The following DCHS2 variants were observed in gnomAD, a reference collection of about 807,000 sequenced individuals.
The protein encoded by DCHS2 is protocadherin-23.
In DCHS2, 142 loss-of-function variants were observed where a neutral mutation model predicts 182.4. The observed-to-expected ratio is 0.78, with a 90% confidence interval of 0.68 to 0.89. The LOEUF is 0.89. Ranked by LOEUF, DCHS2 falls within the 40% of genes least tolerant of loss-of-function variation. The probability of loss-of-function intolerance (pLI) is 0.00; values close to 1 mark genes in which losing one functional copy is unlikely to be tolerated. For synonymous variants in DCHS2, 1,740 were observed against 1,663.3 expected (o/e 1.05, Z -1.12); for missense variants, 4,319 against 4,198.6 (o/e 1.03, Z -0.79).
At chr4:154,416,903 T>C (rs1732854439) in intron 1 of DCHS2, among the ~76,000 whole-genome samples, 1 of 152,062 alleles carries the variant, frequency 6.6e-6, no homozygotes, top group African/African-American at 2.4e-5. Context: ...GTTTTTACAC[T>C]CCGAGGCCAA....
intron 10 of DCHS2, among the ~76,000 whole-genome samples, chr4:154,315,216 A>AT (rs1182291869): frequency 6.6e-6 from 1 of 152,188 alleles, no homozygotes; most frequent in Non-Finnish European, 1.5e-5. Context: ...ATAACAAACT[A>AT]TAATTTAGGC....
chr4:154,490,748 C>T lies in DCHS2; in HGVS notation c.608G>A (p.Gly203Asp). The T allele has an allele frequency of 2.6e-6, 4 of 1,551,642 alleles. No individual in the cohort carries two copies. The highest frequency in any genetic ancestry group is 3.5e-6 in the Non-Finnish European group (4 of 1,146,930). Residue 203 changes from glycine (G) to aspartate (D), a missense_variant, in exon 1 of 20, where the codon GGC (glycine) becomes GAC (aspartate). Gly to Asp is a moderately conservative substitution (Grantham distance 94, BLOSUM62 -1). Transcript: ENST00000357232. ...DPDAGLFSTQGYTLVQPSDLP... is the reference protein window; with the variant it reads ...DPDAGLFSTQDYTLVQPSDLP... The stretch of plus-strand genomic sequence containing the variant: ...GTCGGACGGTTGCACCAGGGTGTAG[C>T]CCTGAGTGCTGAACAGTCCGGCGTC...
At chr4:154,432,314 C>T (rs959974546) in intron 1 of DCHS2, among the ~76,000 whole-genome samples, 49 of 152,276 alleles carry the variant, frequency 3.2e-4, no homozygotes, top group Admixed American at 2.7e-3. Flanking sequence ...AGCTTATCTA[C>T]AACTATGATT....
chr4:154,459,732 C>T (rs1734927256), intron 1 of DCHS2, among the ~76,000 whole-genome samples: 1 of 139,834 alleles, frequency 7.2e-6, no homozygotes, highest in South Asian at 2.3e-4. Context: ...AGTATCTACA[C>T]ATTCTCTCTC....
intron 1 of DCHS2, among the ~76,000 whole-genome samples, chr4:154,419,706 A>G (rs1306852287): frequency 2.0e-5 from 3 of 149,724 alleles, no homozygotes; most frequent in Non-Finnish European, 4.4e-5. Context: ...TGTGCAGGAC[A>G]CTAAAGGAAT....
chr4:154,490,508 T>A lies in DCHS2; in HGVS notation c.848A>T (p.Glu283Val), dbSNP rs1579134320. The change falls in exon 1 of 20, where the codon GAG becomes GTG. Residue 283 changes from glutamate (E) to valine (V), a missense_variant. Glu to Val is a moderately radical substitution (Grantham distance 121). Transcript: ENST00000357232. ...RPRRTGLLSV[E>V]LRVLDENDNP... Reference sequence around the variant, plus strand: ...GTCGTTCTCATCCAGCACGCGCAGCTCCACGCTCAGGAGGCCGGTGCGCCG... The same window carrying A: ...GTCGTTCTCATCCAGCACGCGCAGCACCACGCTCAGGAGGCCGGTGCGCCG... 6.5e-7 allele frequency: 1 copy of A among 1,537,226 alleles called. No individual in the cohort carries two copies. Among genetic ancestry groups the A allele is most frequent in the Admixed American group, 2.0e-5 (1 of 50,942 alleles).
intron 5 of DCHS2, among the ~76,000 whole-genome samples, chr4:154,331,128 C>T (rs1736503122): frequency 6.6e-6 from 1 of 152,166 alleles, no homozygotes; most frequent in Non-Finnish European, 1.5e-5. Context: ...CCTTGCCATG[C>T]TGTCCTTGGG....
At chr4:154,259,496 ACACC>A (rs754394927) in intron 15 of DCHS2, 45 bp downstream of exon 15, 39 of 1,583,538 alleles carry the variant, frequency 2.5e-5, no homozygotes, top group Admixed American at 1.7e-4. Flanking sequence ...TCACACAGAC[ACACC>A]CACACACACA....
At chr4:154,465,386 T>C (rs1735196634) in intron 1 of DCHS2, among the ~76,000 whole-genome samples, 1 of 152,092 alleles carries the variant, frequency 6.6e-6, no homozygotes, top group South Asian at 2.1e-4. Flanking sequence ...AGTGACATAC[T>C]GGCCAAGTGC....
Position 154,236,929 on chromosome 4 carries a change from C to T in DCHS2, c.7723G>A (p.Asp2575Asn), listed in dbSNP as rs144280671. The T allele has an allele frequency of 3.2e-5, 52 of 1,613,966 alleles. No individual in the cohort carries two copies. The Middle Eastern group carries it at 6.6e-4, about 20-fold the overall frequency. Residue 2575 changes from aspartate (D) to asparagine (N), a missense_variant, in exon 20 of 20, where the codon GAC (aspartate) becomes AAC (asparagine). Transcript: ENST00000357232. ...GTGTTTTCACGGGTCCAGTCATGGTCGATGTTTGAAAATGTAACAAGCGTG... is the reference window on the plus strand; with the variant it reads ...GTGTTTTCACGGGTCCAGTCATGGTTGATGTTTGAAAATGTAACAAGCGTG... The part of the protein sequence containing the change: ...GSTLVTFSNI[D>N]HDWTRENTYV...
chr4:154,379,730 T>C lies in DCHS2; in HGVS notation c.2053-2286A>G, dbSNP rs193053701. On this transcript the variant is annotated intron_variant, in intron 1 of 19. Coordinates refer to ENST00000357232, the MANE Select transcript of DCHS2 (RefSeq NM_001358235.2). ...AAGCTTTTCATCAATATAATATACA[T>C]GCAGGAGCTACAACTTAATTACAGT... 1.0e-3 allele frequency among the ~76,000 whole-genome samples: 158 copies of C among 152,336 alleles called. 1 individual carries two copies. The East Asian group carries it at 0.019, about 19-fold the overall frequency.
chr4:154,373,221 C>A (rs930693842), intron 2 of DCHS2, among the ~76,000 whole-genome samples: 1 of 152,146 alleles, frequency 6.6e-6, no homozygotes, highest in African/African-American at 2.4e-5. Context: ...TGAGTCATTA[C>A]CAACTTTGTC....
At chr4:154,387,189 A>T (rs777850315) in intron 1 of DCHS2, among the ~76,000 whole-genome samples, 1 of 152,324 alleles carries the variant, frequency 6.6e-6, no homozygotes, top group Middle Eastern at 3.4e-3. Flanking sequence ...GAGTTTAAGC[A>T]ACCACGAATT....
chr4:154,357,178 T>A (rs1287577504), intron 3 of DCHS2: 1 of 1,363,292 alleles, frequency 7.3e-7, no homozygotes, highest in Non-Finnish European at 1.0e-6. Flanking sequence ...TTTTGGTGAA[T>A]GCTTCTGACT....
intron 1 of DCHS2, among the ~76,000 whole-genome samples, chr4:154,411,500 G>A (rs181234448): frequency 6.6e-6 from 1 of 152,042 alleles, no homozygotes; most frequent in African/African-American, 2.4e-5. Flanking sequence ...GGGAGGCTGA[G>A]GCAGAAGAAT....
At chr4:154,357,974 G>A (rs1262146997) in intron 3 of DCHS2, among the ~76,000 whole-genome samples, 1 of 152,056 alleles carries the variant, frequency 6.6e-6, no homozygotes, top group Non-Finnish European at 1.5e-5. Flanking sequence ...CAGACTGCAG[G>A]GAATACATAG....
At chr4:154,390,101 A>T (rs28729957) in intron 1 of DCHS2, among the ~76,000 whole-genome samples, 40,730 of 139,400 alleles carry the variant, frequency 0.29, 6,590 homozygotes, top group African/African-American at 0.48. Context: ...TTATTTTTTT[A>T]AATTTTTTTA....
intron 1 of DCHS2, among the ~76,000 whole-genome samples, chr4:154,393,052 A>C (rs1731776632): frequency 1.3e-5 from 2 of 152,154 alleles, no homozygotes; most frequent in African/African-American, 4.8e-5. Flanking sequence ...GAGTTATTGT[A>C]GTTTTGTTAG....
chr4:154,421,668 A>C (rs1733118948), intron 1 of DCHS2, among the ~76,000 whole-genome samples: 1 of 152,236 alleles, frequency 6.6e-6, no homozygotes, highest in Admixed American at 6.5e-5. Flanking sequence ...TGCTGGGATT[A>C]CAGGCGTAAG....
Sources: gnomAD v4.1 joint callset for allele counts (sites outside exome capture counted in the v4.1 genomes callset) on GRCh38, gnomAD v4.1.1 for gene constraint, MANE v1.5 for transcripts, NCBI Gene and HGNC (gene_info 2026-07-23, HGNC 2026-07-21) for gene names.